Variants in PIK3CB observed in about 807,000 individuals in gnomAD.
PIK3CB encodes the protein phosphatidylinositol 4,5-bisphosphate 3-kinase catalytic subunit beta isoform.
PIK3CB carries 39 observed loss-of-function variants against 136.8 expected under a neutral mutation model. The observed-to-expected ratio is 0.29, with a 90% CI of 0.22 to 0.37. The LOEUF is 0.37. Ranked by LOEUF, PIK3CB falls within the 10% of genes least tolerant of loss-of-function variation. The probability of loss-of-function intolerance (pLI) is 1.00; values close to 1 mark genes in which losing one functional copy is unlikely to be tolerated. For synonymous variants in PIK3CB, 428 were observed against 436.6 expected (o/e 0.98, Z 0.25); for missense variants, 868 against 1,275.4 (o/e 0.68, Z 4.87).
At chr3:138,803,567 T>C (rs1321871738) in intron 1 of PIK3CB, among the ~76,000 whole-genome samples, 1 of 152,170 alleles carries the variant, frequency 6.6e-6, no homozygotes, top group South Asian at 2.1e-4. Context: ...ATTGGATATA[T>C]GCAGCAGCAC....
chr3:138,731,201 G>A lies in PIK3CB; in HGVS notation c.1050+2160C>T, dbSNP rs2044964793. Among the ~76,000 whole-genome samples, 3 of 152,192 alleles carry A rather than the reference G, an allele frequency of 2.0e-5. No homozygotes were observed. The South Asian group carries it at 6.2e-4, about 32-fold the overall frequency. ...TGTTAACTTTGAATCCCTTATGATG[G>A]TAAGGAGAGACCAGTACCTTTTTTC... On this transcript the variant is annotated intron_variant, in intron 8 of 23. Coordinates refer to ENST00000674063, the MANE Select transcript of PIK3CB (RefSeq NM_006219.3).
chr3:138,728,716 C>T (rs1032312269), intron 8 of PIK3CB, among the ~76,000 whole-genome samples: 3 of 149,930 alleles, frequency 2.0e-5, no homozygotes, highest in African/African-American at 7.4e-5. Flanking sequence ...GGAGGGGGAG[C>T]TTGCAGTGAG....
At chr3:138,777,426 G>T (rs528867515) in intron 2 of PIK3CB, among the ~76,000 whole-genome samples, 3 of 152,246 alleles carry the variant, frequency 2.0e-5, no homozygotes, top group African/African-American at 7.2e-5. Context: ...CAGACACATG[G>T]GAGAGGCCAA....
At chr3:138,785,854 C>A in intron 2 of PIK3CB, among the ~76,000 whole-genome samples, 1 of 150,288 alleles carries the variant, frequency 6.7e-6, no homozygotes, top group African/African-American at 2.5e-5. Context: ...AAATGCTTAT[C>A]TGAGGATATG....
rs565285089 is a variant in PIK3CB at position 138,728,958 on chromosome 3, G to A, written c.1050+4403C>T. On this transcript the variant is annotated intron_variant, in intron 8 of 23. Transcript: ENST00000674063. ...TATATTTAAAGTTGAAAGACTTAATGAATGCTGTCCTTTAAGATAAAGAAC... is the reference window on the plus strand; with the variant it reads ...TATATTTAAAGTTGAAAGACTTAATAAATGCTGTCCTTTAAGATAAAGAAC... Among the ~76,000 whole-genome samples the A allele has an allele frequency of 3.6e-4, 55 of 152,214 alleles. 1 individual carries two copies. The highest frequency in any genetic ancestry group is 6.8e-3 in the Middle Eastern group (2 of 294).
intron 21 of PIK3CB, 39 bp downstream of exon 21, chr3:138,663,867 A>G: frequency 6.3e-7 from 1 of 1,593,104 alleles, no homozygotes; most frequent in Non-Finnish European, 8.5e-7. Flanking sequence ...AAGAAATAGC[A>G]TTACTAAGGC....
intron 2 of PIK3CB, among the ~76,000 whole-genome samples, chr3:138,784,582 G>A (rs1473895607): frequency 6.6e-6 from 1 of 152,150 alleles, no homozygotes; most frequent in Admixed American, 6.5e-5. Context: ...GGCGCGCGCC[G>A]CCACGCCTGA....
chr3:138,784,361 A>C (rs1249685795), intron 2 of PIK3CB, among the ~76,000 whole-genome samples: 1 of 152,144 alleles, frequency 6.6e-6, no homozygotes, highest in African/African-American at 2.4e-5. Context: ...CAGCCTGGGC[A>C]ACAGAGAGAG....
chr3:138,733,529 A>G, intron 7 of PIK3CB, 91 bp from the exon 8 acceptor site: 1 of 625,698 alleles, frequency 1.6e-6, no homozygotes, highest in Non-Finnish European at 2.7e-6. Flanking sequence ...TCTAATGTCT[A>G]TTGGCAAAAC....
chr3:138,674,043 G>C (rs945413682), intron 19 of PIK3CB, among the ~76,000 whole-genome samples: 2 of 152,180 alleles, frequency 1.3e-5, no homozygotes, highest in Admixed American at 6.6e-5. Flanking sequence ...TAACATTGTA[G>C]CTGTCTTGGG....
At chr3:138,724,554 A>G (rs192966882) in intron 8 of PIK3CB, among the ~76,000 whole-genome samples, 1 of 152,232 alleles carries the variant, frequency 6.6e-6, no homozygotes, top group African/African-American at 2.4e-5. Context: ...GTGGAGCTGA[A>G]AGTTCCAATC....
chr3:138,730,370 G>C (rs890829107), intron 8 of PIK3CB, among the ~76,000 whole-genome samples: 1 of 152,008 alleles, frequency 6.6e-6, no homozygotes, highest in South Asian at 2.1e-4. Flanking sequence ...ACGAATGAAG[G>C]CTTCTTGGAT....
chr3:138,707,404 A>G, intron 10 of PIK3CB, 115 bp from the exon 11 acceptor site: 1 of 1,403,436 alleles, frequency 7.1e-7, no homozygotes, highest in Non-Finnish European at 9.2e-7. Flanking sequence ...CAACTACAGA[A>G]GTGTGACAGA....
intron 1 of PIK3CB, among the ~76,000 whole-genome samples, chr3:138,830,926 A>ATAC (rs1483948038): frequency 6.8e-6 from 1 of 147,314 alleles, no homozygotes; most frequent in African/African-American, 2.5e-5. Flanking sequence ...AATAATAATA[A>ATAC]TAATAATAAT....
At chr3:138,816,273 G>A (rs1169133246) in intron 1 of PIK3CB, among the ~76,000 whole-genome samples, 1 of 151,812 alleles carries the variant, frequency 6.6e-6, no homozygotes, top group Non-Finnish European at 1.5e-5. Context: ...GTGAAACACT[G>A]TCTCTAAAAA....
intron 6 of PIK3CB, among the ~76,000 whole-genome samples, chr3:138,735,736 A>G (rs922310511): frequency 2.0e-5 from 3 of 152,202 alleles, no homozygotes; most frequent in Non-Finnish European, 4.4e-5. Flanking sequence ...TAGGAATCCA[A>G]TGTATTCCTC....
chr3:138,753,684 T>C (rs1399605356), intron 4 of PIK3CB, among the ~76,000 whole-genome samples: 1 of 151,874 alleles, frequency 6.6e-6, no homozygotes, highest in African/African-American at 2.4e-5. Context: ...CATATGCCTG[T>C]GGTCTCAACT....
chr3:138,686,436 C>A (rs531107534), intron 16 of PIK3CB, among the ~76,000 whole-genome samples: 153 of 151,974 alleles, frequency 1.0e-3, no homozygotes, highest in African/African-American at 3.6e-3. Context: ...GAGACTCCAT[C>A]ACAAAAAATA....
At position 138,654,453 on chromosome 3, in the gene PIK3CB, T is replaced by C; in HGVS notation, c.*936A>G. 4.4e-6 allele frequency: 1 copy of C among 228,460 alleles called. No individual in the cohort carries two copies. The highest frequency in any genetic ancestry group is 2.2e-5 in the African/African-American group (1 of 45,214). 14.2% of individuals were successfully genotyped at this position (228,460 alleles called of 1,614,324 possible). A position where few individuals can be genotyped will look rare whatever the true frequency, so the allele number is the denominator to read the frequency against. On this transcript the variant is annotated 3_prime_UTR_variant, in exon 24 of 24. Coordinates refer to ENST00000674063, the MANE Select transcript of PIK3CB (RefSeq NM_006219.3). Reference sequence around the variant, plus strand: ...GCTGGCATTTTTCTAAAATACTGAATTTCAGATCTGGAGTTTATTCCATAA... The same window carrying C: ...GCTGGCATTTTTCTAAAATACTGAACTTCAGATCTGGAGTTTATTCCATAA...
Sources: allele counts gnomAD v4.1 joint callset (sites outside exome capture counted in the v4.1 genomes callset), GRCh38; gene constraint gnomAD v4.1.1; transcripts MANE v1.5; gene names NCBI Gene and HGNC (gene_info 2026-07-23, HGNC 2026-07-21).